The following PIEZO2 variants were observed in gnomAD, a reference collection of about 807,000 sequenced individuals.
PIEZO2 encodes piezo type mechanosensitive ion channel component 2.
Under a neutral mutation model 337.3 loss-of-function variants are expected in PIEZO2, and 172 were observed. That is an observed-to-expected ratio of 0.51 (90% confidence interval 0.45 to 0.58). The LOEUF is 0.58. Among genes scored for constraint, PIEZO2 ranks in the 20% least tolerant of loss-of-function variants. The pLI, the probability that PIEZO2 is intolerant of heterozygous loss-of-function variation, is 0.00. For missense variants in PIEZO2, 3,028 were observed against 3,391.3 expected (o/e 0.89, Z 2.66); for synonymous variants, 1,251 against 1,228.5 (o/e 1.02, Z -0.38).
At chr18:10,871,149 T>C in intron 5 of PIEZO2, 104 bp downstream of exon 5, 1 of 1,195,076 alleles carries the variant, frequency 8.4e-7, no homozygotes, top group Non-Finnish European at 1.1e-6. Context: ...CTGTGAATCA[T>C]AACGTGCTCT....
In PIEZO2 at chr18:11,092,207, A is replaced by G. The variant is rs541644905; in HGVS notation, c.65-25985T>C. 1.1e-4 allele frequency among the ~76,000 whole-genome samples: 17 copies of G among 152,352 alleles called. No individual in the cohort carries two copies. Among genetic ancestry groups the G allele is most frequent in the African/African-American group, 4.1e-4 (17 of 41,576 alleles). ...TCGAGAACACATCATTAGAAGCACT[A>G]TTTACAAAAACAAAGAACAGGAAAT... On this transcript the variant is annotated intron_variant, in intron 1 of 55. Coordinates refer to ENST00000674853, the MANE Select transcript of PIEZO2 (RefSeq NM_001378183.1). This position sits in a 1 kb window ranked among gnomAD's most constrained non-coding sequence, Gnocchi z 4.5.
chr18:10,752,707 T>C lies in PIEZO2; in HGVS notation c.4096A>G (p.Ser1366Gly), dbSNP rs1307492925. 1 of 1,537,236 alleles carries C rather than the reference T, an allele frequency of 6.5e-7. No homozygotes were observed. The highest frequency in any genetic ancestry group is 8.7e-7 in the Non-Finnish European group (1 of 1,146,918). ...AGCCAGTCCCAGTAGCGCAGGATGC[T>C]CTTGATGGGTTTCAACAGCAAATCG... ...GGDLLLKPIK[S>G]ILRYWDWLIA... The change falls in exon 28 of 56, where the codon AGC (serine) becomes GGC (glycine). Residue 1366 changes from serine (S) to glycine (G), a missense_variant. By Grantham distance (56) the Ser-to-Gly change is moderately conservative. Around this residue, in one of 5 missense-constraint regions of PIEZO2, gnomAD observed 1,925 missense variants for 2,051.9 expected, o/e 0.94. Coordinates refer to ENST00000674853, the MANE Select transcript of PIEZO2 (RefSeq NM_001378183.1).
intron 5 of PIEZO2, among the ~76,000 whole-genome samples, chr18:10,868,848 A>T (rs1287780157): frequency 6.6e-6 from 1 of 152,176 alleles, no homozygotes; most frequent in East Asian, 1.9e-4. Flanking sequence ...TTATTGATCA[A>T]TGTAGGCTTT....
At chr18:10,802,727 T>C (rs2039867655) in intron 9 of PIEZO2, among the ~76,000 whole-genome samples, 1 of 152,148 alleles carries the variant, frequency 6.6e-6, no homozygotes, top group Non-Finnish European at 1.5e-5. Context: ...CCTAGCACTT[T>C]GGAAGACCGA....
At chr18:10,851,266 T>C (rs75857323) in intron 7 of PIEZO2, among the ~76,000 whole-genome samples, 2,336 of 152,012 alleles carry the variant, frequency 0.015, 66 homozygotes, top group African/African-American at 0.053. Flanking sequence ...GGTTTAAATA[T>C]GCTAATTTCC....
intron 2 of PIEZO2, among the ~76,000 whole-genome samples, chr18:11,011,383 G>A (rs3246): frequency 0.53 from 81,192 of 151,776 alleles, 21,963 homozygotes; most frequent in African/African-American, 0.6. Flanking sequence ...CTACTATGCC[G>A]TGTTTGACTT....
intron 2 of PIEZO2, among the ~76,000 whole-genome samples, chr18:11,050,994 T>C (rs1374854382): frequency 6.6e-6 from 1 of 151,856 alleles, no homozygotes; most frequent in Non-Finnish European, 1.5e-5. Context: ...TGAAAAAATA[T>C]TTTGGGGGCA....
chr18:10,701,474 A>G (rs907427650), intron 43 of PIEZO2, among the ~76,000 whole-genome samples: 1 of 152,234 alleles, frequency 6.6e-6, no homozygotes. Flanking sequence ...AACTTTAAAG[A>G]ATATGTGGTT....
rs150681859 is a variant in PIEZO2 at position 10,999,686 on chromosome 18, A to T, written c.161-20026T>A. Among the ~76,000 whole-genome samples, 68 of 152,322 alleles carry T rather than the reference A, an allele frequency of 4.5e-4. 1 individual carries two copies. Among genetic ancestry groups the T allele is most frequent in the African/African-American group, 1.6e-3 (66 of 41,574 alleles). ...AGCAATCACCCATGAATACTAAGAGACAACTGTACTCTGCAGTTCATGCAC... is the reference window on the plus strand; with the variant it reads ...AGCAATCACCCATGAATACTAAGAGTCAACTGTACTCTGCAGTTCATGCAC... On this transcript the variant is annotated intron_variant, in intron 2 of 55. Transcript: ENST00000674853.
intron 7 of PIEZO2, among the ~76,000 whole-genome samples, chr18:10,839,224 A>T (rs2041114088): frequency 6.6e-6 from 1 of 152,178 alleles, no homozygotes; most frequent in African/African-American, 2.4e-5. Flanking sequence ...CCACTGCCTT[A>T]TTTCTCAGAC....
At chr18:10,931,733 AG>A (rs2032101965) in intron 3 of PIEZO2, among the ~76,000 whole-genome samples, 2 of 151,760 alleles carry the variant, frequency 1.3e-5, no homozygotes, top group Non-Finnish European at 2.9e-5. Context: ...AGAGAGAGAG[AG>A]AGAGAGAGGG....
At chr18:10,703,979 CGGT>C (rs2035454915) in intron 42 of PIEZO2, among the ~76,000 whole-genome samples, 2 of 152,186 alleles carry the variant, frequency 1.3e-5, no homozygotes, top group East Asian at 3.9e-4. Flanking sequence ...ACTGAACCCC[CGGT>C]GGCGCCAGGC....
Position 10,832,938 on chromosome 18 carries a change from CCA to C in PIEZO2, c.917+22413_917+22414del, listed in dbSNP as rs369546005. Among the ~76,000 whole-genome samples the C allele has an allele frequency of 9.2e-3, 1,405 of 152,288 alleles. 30 individuals are homozygous for C. The highest frequency in any genetic ancestry group is 0.032 in the African/African-American group (1,325 of 41,564). On this transcript the variant is annotated intron_variant, in intron 7 of 55. Coordinates refer to ENST00000674853, the MANE Select transcript of PIEZO2 (RefSeq NM_001378183.1). ...GGGCAGGTCCCTAGGCTGGAGGAGCCCACGTTTCCGCCTCCCTGCCTGCCCTC... is the reference window on the plus strand; with the variant it reads ...GGGCAGGTCCCTAGGCTGGAGGAGCCCGTTTCCGCCTCCCTGCCTGCCCTC...
In PIEZO2 at chr18:10,699,145, A is replaced by T; in HGVS notation, c.6474T>A (p.Thr2158=). Residue 2158 remains threonine (T), a synonymous_variant, in exon 44 of 56, where the codon ACT becomes ACA. Transcript: ENST00000674853. The part of the protein sequence containing the change: ...CHGLWDEDDM[T]ESGMAREESD... ...ATTCCTCCCTGGCCATGCCACTTTC[A>T]GTCATGTCATCTTCATCCCATAAGC... 6.5e-7 allele frequency: 1 copy of T among 1,537,234 alleles called. No individual in the cohort carries two copies. Among genetic ancestry groups the T allele is most frequent in the Non-Finnish European group, 8.7e-7 (1 of 1,146,908 alleles).
At chr18:11,095,140 G>C (rs2039226474) in intron 1 of PIEZO2, among the ~76,000 whole-genome samples, 2 of 152,206 alleles carry the variant, frequency 1.3e-5, no homozygotes, top group African/African-American at 2.4e-5. Flanking sequence ...CATGGAATGA[G>C]TGAAAATGGC....
At chr18:10,885,337 T>C (rs1185402067) in intron 4 of PIEZO2, among the ~76,000 whole-genome samples, 4 of 152,060 alleles carry the variant, frequency 2.6e-5, no homozygotes, top group Non-Finnish European at 4.4e-5. Flanking sequence ...GGCAGGAGAA[T>C]GGCATGAACC....
At chr18:11,071,501 C>T (rs1396344581) in intron 1 of PIEZO2, among the ~76,000 whole-genome samples, 1 of 152,174 alleles carries the variant, frequency 6.6e-6, no homozygotes, top group African/African-American at 2.4e-5. Context: ...AGCTGACGTT[C>T]TGGTGGGGAG....
rs988630739 is a variant in PIEZO2 at position 11,016,137 on chromosome 18, C to A, written c.161-36477G>T. Among the ~76,000 whole-genome samples the A allele has an allele frequency of 2.0e-5, 3 of 152,146 alleles. No homozygotes were observed. The highest frequency in any genetic ancestry group is 2.9e-5 in the Non-Finnish European group (2 of 68,032). Reference sequence around the variant, plus strand: ...GACCTCTTATTAACCTCTGTTAATACCTCAATTTAGCAAATGTAATGAGTA... The same window carrying A: ...GACCTCTTATTAACCTCTGTTAATAACTCAATTTAGCAAATGTAATGAGTA... On this transcript the variant is annotated intron_variant, in intron 2 of 55. Coordinates refer to ENST00000674853, the MANE Select transcript of PIEZO2 (RefSeq NM_001378183.1). This position sits in a 1 kb window ranked among gnomAD's most constrained non-coding sequence, Gnocchi z 5.6.
chr18:11,021,711 C>G lies in PIEZO2; in HGVS notation c.161-42051G>C, dbSNP rs1037386300. Among the ~76,000 whole-genome samples, 6 of 152,184 alleles carry G rather than the reference C, an allele frequency of 3.9e-5. No homozygotes were observed. The highest frequency in any genetic ancestry group is 1.3e-4 in the Admixed American group (2 of 15,282). Reference sequence around the variant, plus strand: ...AATGAGAAAACCACGTCCCTCCCACCCATGCCTTCACAAGTTCATTCTATT... The same window carrying G: ...AATGAGAAAACCACGTCCCTCCCACGCATGCCTTCACAAGTTCATTCTATT... On this transcript the variant is annotated intron_variant, in intron 2 of 55. Transcript: ENST00000674853. The surrounding 1 kb of genome is among the most constrained non-coding windows in gnomAD (Gnocchi z 4.7).
Sources: allele counts gnomAD v4.1 joint callset (sites outside exome capture counted in the v4.1 genomes callset), GRCh38; gene constraint gnomAD v4.1.1; regional missense constraint gnomAD v4.1.1; non-coding constraint Gnocchi (gnomAD v3.1); transcripts MANE v1.5; gene names NCBI Gene and HGNC (gene_info 2026-07-23, HGNC 2026-07-21).